Variants in FAAH2 observed in about 807,000 individuals in gnomAD.
FAAH2 encodes the protein fatty-acid amide hydrolase 2.
A neutral mutation model predicts 36.9 loss-of-function variants in FAAH2; 60 were observed. The observed-to-expected ratio is 1.63, with a 90% CI of 1.32 to 2.02. The LOEUF (loss-of-function observed/expected upper bound fraction) is 2.02. FAAH2 is among the 30% of genes most tolerant of loss of function. The pLI is 0.00. For missense variants in FAAH2, 689 were observed against 397.5 expected, an observed-to-expected ratio of 1.73 and a Z score of -6.23; for synonymous variants, 214 against 143.8, an observed-to-expected ratio of 1.49 and a Z score of -3.49.
the FAAH2 span, among the ~76,000 whole-genome samples, chrX:57,240,523 C>T: frequency 8.4e-4 from 93 of 111,360 alleles, no homozygotes; most frequent in Non-Finnish European, 1.3e-3. Flanking sequence ...TCAGCAGGAT[C>T]GGTGTGCAAG....
the FAAH2 span, among the ~76,000 whole-genome samples, chrX:57,270,590 G>A: frequency 9.8e-5 from 11 of 111,753 alleles, no homozygotes; most frequent in African/African-American, 1.6e-4. Flanking sequence ...CAGCGAGATC[G>A]ATGCAGAAGG....
chrX:57,336,150 G>A (rs1349219241), intron 4 of FAAH2, among the ~76,000 whole-genome samples: 1 of 110,966 alleles, frequency 9.0e-6, no homozygotes, highest in Non-Finnish European at 1.9e-5. Context: ...ACAAAAGAAG[G>A]GAAAATAGCC....
At chrX:57,240,785 A>C in the FAAH2 span, among the ~76,000 whole-genome samples, 2 of 112,158 alleles carry the variant, frequency 1.8e-5, no homozygotes, top group Admixed American at 9.4e-5. Flanking sequence ...TGTAGGAGCT[A>C]TGAAGTTGGC....
intron 8 of FAAH2, among the ~76,000 whole-genome samples, chrX:57,443,507 G>A (rs781492234): frequency 8.9e-6 from 1 of 111,774 alleles, no homozygotes; most frequent in South Asian, 3.7e-4. Flanking sequence ...TTTACCATTC[G>A]TCTGATCTTT....
intron 10 of FAAH2, among the ~76,000 whole-genome samples, chrX:57,480,413 C>T (rs1228386422): frequency 3.6e-5 from 4 of 112,070 alleles, no homozygotes; most frequent in Admixed American, 2.8e-4. Flanking sequence ...CCTTCAGGTG[C>T]TCTTTTAAGG....
chrX:57,338,343 T>C (rs900333620), intron 4 of FAAH2, among the ~76,000 whole-genome samples: 2 of 111,513 alleles, frequency 1.8e-5, no homozygotes, highest in African/African-American at 6.5e-5. Flanking sequence ...TGTAATCACT[T>C]AAGGCAAGGA....
At chrX:57,187,477 G>A in the FAAH2 span, among the ~76,000 whole-genome samples, 2 of 110,786 alleles carry the variant, frequency 1.8e-5, no homozygotes, top group East Asian at 5.7e-4. Context: ...TGAGAAGATG[G>A]GGTTCTCTAA....
chrX:57,146,387 C>T, the FAAH2 span, among the ~76,000 whole-genome samples: 1 of 111,556 alleles, frequency 9.0e-6, no homozygotes, highest in Non-Finnish European at 1.9e-5. Context: ...TGGTGTATAG[C>T]AGAGCTACTG....
In FAAH2 at chrX:57,290,624, A is replaced by T. The variant is rs757615375; in HGVS notation, c.193-1874A>T. ...TTTATCCATTTGATAGATATTTAAA[A>T]GTTAGTTCATCTTTTTATACTGGTT... On this transcript the variant is annotated intron_variant, in intron 1 of 10. Transcript: ENST00000374900. 9.2e-4 allele frequency among the ~76,000 whole-genome samples: 102 copies of T among 111,345 alleles called. 1 individual carries two copies. Among genetic ancestry groups the T allele is most frequent in the African/African-American group, 3.2e-3 (99 of 30,746 alleles).
intron 7 of FAAH2, among the ~76,000 whole-genome samples, chrX:57,383,752 G>A (rs1157574871): frequency 2.7e-5 from 3 of 111,760 alleles, no homozygotes; most frequent in Admixed American, 9.5e-5. Context: ...TACTGCCCAA[G>A]GTAATTTATA....
At chrX:57,423,418 G>T (rs2056084567) in intron 7 of FAAH2, among the ~76,000 whole-genome samples, 2 of 111,097 alleles carry the variant, frequency 1.8e-5, no homozygotes, top group South Asian at 3.9e-4. Context: ...CCTCAGTTTT[G>T]TTCCAATCAG....
intron 10 of FAAH2, among the ~76,000 whole-genome samples, chrX:57,482,727 T>TTG (rs2057403148): frequency 9.3e-6 from 1 of 107,113 alleles, no homozygotes; most frequent in Non-Finnish European, 1.9e-5. Flanking sequence ...TTTTTTTTTT[T>TTG]TTTGCTTGTC....
chrX:57,376,540 T>C (rs1202184506), intron 5 of FAAH2, among the ~76,000 whole-genome samples: 1 of 112,004 alleles, frequency 8.9e-6, no homozygotes, highest in Non-Finnish European at 1.9e-5. Flanking sequence ...ACATTTTCTT[T>C]ATCCAGTCTG....
intron 5 of FAAH2, among the ~76,000 whole-genome samples, chrX:57,342,791 G>C (rs780640733): frequency 9.0e-6 from 1 of 110,864 alleles, no homozygotes; most frequent in South Asian, 3.8e-4. Context: ...CCACCTTTAA[G>C]TAGGCTCTGG....
intron 10 of FAAH2, among the ~76,000 whole-genome samples, chrX:57,449,956 A>T (rs1417953162): frequency 8.9e-6 from 1 of 111,767 alleles, no homozygotes; most frequent in Non-Finnish European, 1.9e-5. Flanking sequence ...ATGAGCCACC[A>T]TGCCTGGCCT....
the FAAH2 span, among the ~76,000 whole-genome samples, chrX:57,216,542 ACG>A: frequency 2.0e-5 from 1 of 50,736 alleles, no homozygotes; most frequent in Non-Finnish European, 3.0e-5. Context: ...ATATATATAT[ACG>A]TATATGTATA....
the FAAH2 span, among the ~76,000 whole-genome samples, chrX:57,251,705 T>A: frequency 1.8e-5 from 2 of 111,367 alleles, no homozygotes; most frequent in African/African-American, 3.3e-5. Flanking sequence ...AAAAAAGAAA[T>A]GAAGAAAATC....
chrX:57,324,874 A>G (rs1169229514), intron 3 of FAAH2, among the ~76,000 whole-genome samples: 1 of 111,757 alleles, frequency 8.9e-6, no homozygotes, highest in East Asian at 2.8e-4. Context: ...TTCCAACACT[A>G]TGTTGAATAG....
intron 8 of FAAH2, among the ~76,000 whole-genome samples, chrX:57,436,139 G>T (rs151061487): frequency 2.7e-5 from 3 of 111,011 alleles, no homozygotes; most frequent in African/African-American, 9.8e-5. Context: ...AGAAATTAAG[G>T]TGGAAATTAT....
Sources: gnomAD v4.1 joint callset for allele counts (sites outside exome capture counted in the v4.1 genomes callset) on GRCh38, gnomAD v4.1.1 for gene constraint, MANE v1.5 for transcripts, NCBI Gene and HGNC (gene_info 2026-07-23, HGNC 2026-07-21) for gene names.